Variants in LNPK observed in about 807,000 individuals in gnomAD.
LNPK encodes the protein endoplasmic reticulum junction formation protein lunapark.
A neutral mutation model predicts 55.2 loss-of-function variants in LNPK; 29 were observed. The observed-to-expected ratio is 0.53, with a 90% CI of 0.39 to 0.72. The LOEUF (loss-of-function observed/expected upper bound fraction) is 0.72, where lower values mean the gene tolerates loss of function less well. Ranked by LOEUF, LNPK falls within the 30% of genes least tolerant of loss-of-function variation. The probability of loss-of-function intolerance (pLI) is 0.00; values close to 1 mark genes in which losing one functional copy is unlikely to be tolerated. For missense variants in LNPK, 467 were observed against 494.8 expected (o/e 0.94, Z 0.53); for synonymous variants, 162 against 168.2 (o/e 0.96, Z 0.29).
At chr2:175,988,060 G>C (rs761633835) in intron 4 of LNPK, among the ~76,000 whole-genome samples, 6 of 151,994 alleles carry the variant, frequency 3.9e-5, no homozygotes, top group Non-Finnish European at 7.4e-5. Flanking sequence ...TAAACCTGGT[G>C]GTTTTTCACC....
intron 1 of LNPK, among the ~76,000 whole-genome samples, chr2:175,998,166 G>A (rs955315418): frequency 7.9e-5 from 12 of 152,108 alleles, no homozygotes; most frequent in African/African-American, 1.2e-4. Context: ...TAAGCAGGCC[G>A]GGTGCGGTGG....
At chr2:175,965,198 G>C (rs767329010) in intron 6 of LNPK, among the ~76,000 whole-genome samples, 1 of 152,094 alleles carries the variant, frequency 6.6e-6, no homozygotes, top group African/African-American at 2.4e-5. Flanking sequence ...GGAAAAAACT[G>C]AGCACAGAAT....
chr2:175,975,489 T>C (rs149572926), intron 5 of LNPK, among the ~76,000 whole-genome samples: 6 of 152,322 alleles, frequency 3.9e-5, no homozygotes, highest in Admixed American at 3.3e-4. Flanking sequence ...TGGCCGTATA[T>C]ATTTATGGGG....
At chr2:175,973,574 C>T (rs1038506355) in intron 5 of LNPK, among the ~76,000 whole-genome samples, 1 of 152,184 alleles carries the variant, frequency 6.6e-6, no homozygotes, top group Non-Finnish European at 1.5e-5. Flanking sequence ...AGTTACAGTA[C>T]ATCTTAGCAG....
chr2:175,930,957 A>G (rs573646816), intron 12 of LNPK, among the ~76,000 whole-genome samples: 1 of 152,286 alleles, frequency 6.6e-6, no homozygotes, highest in South Asian at 2.1e-4. Context: ...TCTAAGTATT[A>G]TTGAATTCAA....
chr2:175,975,254 C>T (rs1029064530), intron 5 of LNPK, among the ~76,000 whole-genome samples: 1 of 152,108 alleles, frequency 6.6e-6, no homozygotes, highest in Non-Finnish European at 1.5e-5. Context: ...GACAAGGATA[C>T]CTGCTATTCC....
In LNPK at chr2:175,947,634, G is replaced by A; in HGVS notation, c.552C>T (p.Asn184=). 6.2e-7 allele frequency: 1 copy of A among 1,613,908 alleles called. No individual in the cohort carries two copies. Among genetic ancestry groups the A allele is most frequent in the Non-Finnish European group, 8.5e-7 (1 of 1,179,914 alleles). Residue 184 remains asparagine, a synonymous_variant, in exon 9 of 13, where the codon AAC becomes AAT. Transcript: ENST00000272748. ...RNLSPTPASP[N]QGPPPQVPVS... ...CTGGAACTTGTGGAGGAGGGCCCTGGTTAGGGCTTGCTGGTGTTGGAGAAA... is the reference window on the plus strand; with the variant it reads ...CTGGAACTTGTGGAGGAGGGCCCTGATTAGGGCTTGCTGGTGTTGGAGAAA...
At chr2:175,935,077 G>GA (rs545657305) in intron 12 of LNPK, among the ~76,000 whole-genome samples, 166 of 150,444 alleles carry the variant, frequency 1.1e-3, no homozygotes, top group African/African-American at 3.4e-3. Flanking sequence ...ATCACAGATT[G>GA]AAAAAAAAAT....
chr2:175,994,522 A>AT (rs957978199), intron 2 of LNPK, among the ~76,000 whole-genome samples: 25 of 151,668 alleles, frequency 1.6e-4, no homozygotes, highest in African/African-American at 5.8e-4. Flanking sequence ...CATTTATATA[A>AT]TTTTTTTTTC....
At chr2:175,963,917 G>A (rs935778032) in intron 8 of LNPK, among the ~76,000 whole-genome samples, 9 of 151,608 alleles carry the variant, frequency 5.9e-5, no homozygotes, top group African/African-American at 2.2e-4. Context: ...ATTACACAGC[G>A]ATAATTCAAT....
intron 1 of LNPK, among the ~76,000 whole-genome samples, chr2:176,001,298 C>T (rs760870414): frequency 6.6e-6 from 1 of 152,066 alleles, no homozygotes; most frequent in Non-Finnish European, 1.5e-5. Flanking sequence ...AATGCTGACA[C>T]CCAGGCCATA....
intron 8 of LNPK, among the ~76,000 whole-genome samples, chr2:175,952,663 C>G (rs1685481966): frequency 6.6e-6 from 1 of 151,784 alleles, no homozygotes; most frequent in African/African-American, 2.4e-5. Flanking sequence ...GACTTTATAA[C>G]CTCTTCCTTC....
At chr2:175,990,280 T>C (rs1052757435) in intron 4 of LNPK, among the ~76,000 whole-genome samples, 2 of 152,150 alleles carry the variant, frequency 1.3e-5, no homozygotes, top group African/African-American at 4.8e-5. Flanking sequence ...CTCTATTAGT[T>C]CCTGAGAGAG....
At chr2:175,997,125 A>C (rs2105370741) in intron 1 of LNPK, among the ~76,000 whole-genome samples, 1 of 152,332 alleles carries the variant, frequency 6.6e-6, no homozygotes, top group Non-Finnish European at 1.5e-5. Flanking sequence ...TTCTCAGAAA[A>C]GTAACAAAGT....
At chr2:175,964,134 A>T (rs1267539998) in intron 8 of LNPK, among the ~76,000 whole-genome samples, 1 of 152,214 alleles carries the variant, frequency 6.6e-6, no homozygotes, top group Non-Finnish European at 1.5e-5. Context: ...AAAGATTAAA[A>T]CCAATGATAT....
intron 8 of LNPK, 21 bp from the exon 9 acceptor site, chr2:175,947,713 C>T: frequency 6.5e-7 from 1 of 1,544,252 alleles, no homozygotes; most frequent in Non-Finnish European, 8.8e-7. Context: ...TAAGTACATA[C>T]TAGACTTAAT....
At chr2:175,963,229 C>A (rs1437957093) in intron 8 of LNPK, among the ~76,000 whole-genome samples, 1 of 152,010 alleles carries the variant, frequency 6.6e-6, no homozygotes, top group African/African-American at 2.4e-5. Flanking sequence ...GACTATAAAT[C>A]ATGCTGCTAT....
chr2:175,963,782 C>T (rs1017210879), intron 8 of LNPK, among the ~76,000 whole-genome samples: 18 of 151,486 alleles, frequency 1.2e-4, no homozygotes, highest in African/African-American at 4.1e-4. Flanking sequence ...TTTCCCATGC[C>T]AGTCTGGGGA....
intron 1 of LNPK, among the ~76,000 whole-genome samples, chr2:175,996,223 C>T (rs905401598): frequency 6.6e-6 from 1 of 152,148 alleles, no homozygotes; most frequent in African/African-American, 2.4e-5. Flanking sequence ...ATTCTTACCA[C>T]TTTGCAATTT....
Sources: gnomAD v4.1 joint callset for allele counts (sites outside exome capture counted in the v4.1 genomes callset) on GRCh38, gnomAD v4.1.1 for gene constraint, MANE v1.5 for transcripts, NCBI Gene and HGNC (gene_info 2026-07-23, HGNC 2026-07-21) for gene names.